The following NHS variants were observed in gnomAD, a reference collection of about 807,000 sequenced individuals.
NHS encodes the protein actin remodeling regulator NHS.
NHS carries 5 observed loss-of-function variants against 72.5 expected under a neutral mutation model. The observed-to-expected ratio is 0.07, with a 90% CI of 0.04 to 0.14. The LOEUF is 0.14. Among genes scored for constraint, NHS ranks in the 10% least tolerant of loss-of-function variants. The pLI is 1.00. For missense variants in NHS, 1,072 were observed against 1,355.7 expected, an observed-to-expected ratio of 0.79 and a Z score of 3.29; for synonymous variants, 464 against 547.7, an observed-to-expected ratio of 0.85 and a Z score of 2.13.
At chrX:17,632,380 GT>G (rs1165055286) in intron 1 of NHS, among the ~76,000 whole-genome samples, 43 of 100,992 alleles carry the variant, frequency 4.3e-4, no homozygotes, top group Admixed American at 5.4e-4. Flanking sequence ...TTGTAAAACA[GT>G]TTTTTTTTTT....
chrX:17,620,619 T>C (rs1189885593), intron 1 of NHS, among the ~76,000 whole-genome samples: 2 of 107,051 alleles, frequency 1.9e-5, no homozygotes, highest in African/African-American at 6.8e-5. Flanking sequence ...AGGGAACGGA[T>C]TGATGTGATG....
chrX:17,411,071 A>T (rs1052154304), intron 1 of NHS, among the ~76,000 whole-genome samples: 1 of 112,080 alleles, frequency 8.9e-6, no homozygotes, highest in East Asian at 2.8e-4. Flanking sequence ...AGAGGTGGTG[A>T]TTTTGGCTAA....
intron 1 of NHS, among the ~76,000 whole-genome samples, chrX:17,555,933 C>T (rs938232045): frequency 5.4e-5 from 6 of 112,079 alleles, no homozygotes; most frequent in Non-Finnish European, 9.4e-5. Context: ...TTTATTTTCA[C>T]ATGCAGGGGA....
chrX:17,533,964 C>G (rs1051022898), intron 1 of NHS, among the ~76,000 whole-genome samples: 3 of 113,057 alleles, frequency 2.7e-5, no homozygotes, highest in Non-Finnish European at 5.6e-5. Flanking sequence ...CAGCACTTAA[C>G]AGAATTAATT....
At chrX:17,704,403 C>A (rs2066283958) in intron 3 of NHS, among the ~76,000 whole-genome samples, 2 of 111,003 alleles carry the variant, frequency 1.8e-5, no homozygotes, top group Admixed American at 1.9e-4. Context: ...CGGGTTCATG[C>A]CATTCTCCTG....
chrX:17,448,306 A>AT (rs2064791249), intron 1 of NHS, among the ~76,000 whole-genome samples: 1 of 112,065 alleles, frequency 8.9e-6, no homozygotes, highest in African/African-American at 3.2e-5. Flanking sequence ...CCACTTCCCT[A>AT]TTTCTCTCTA....
chrX:17,505,353 T>A, intron 1 of NHS, among the ~76,000 whole-genome samples: 1 of 111,466 alleles, frequency 9.0e-6, no homozygotes, highest in Non-Finnish European at 1.9e-5. Flanking sequence ...GGGTGGTATG[T>A]TTTCTAACTG....
At chrX:17,615,184 G>C (rs201059851) in intron 1 of NHS, among the ~76,000 whole-genome samples, 93 of 14,812 alleles carry the variant, frequency 6.3e-3, no homozygotes, top group Middle Eastern at 0.029. Context: ...TATATATATA[G>C]TATATATACA....
intron 1 of NHS, among the ~76,000 whole-genome samples, chrX:17,674,819 C>T (rs1179267858): frequency 8.9e-6 from 1 of 112,029 alleles, no homozygotes; most frequent in Non-Finnish European, 1.9e-5. Context: ...GTGTGGGCTT[C>T]TCTGTGCTGT....
At chrX:17,435,783 G>A (rs765011810) in intron 1 of NHS, among the ~76,000 whole-genome samples, 1 of 112,206 alleles carries the variant, frequency 8.9e-6, no homozygotes, top group East Asian at 2.8e-4. Context: ...GGTCAGCATG[G>A]GGTCCTGCAC....
At chrX:17,691,953 C>T (rs1023518093) in intron 2 of NHS, among the ~76,000 whole-genome samples, 1 of 111,833 alleles carries the variant, frequency 8.9e-6, no homozygotes, top group East Asian at 2.8e-4. Context: ...GTGGGTGGGC[C>T]GGGCAGCTCT....
chrX:17,667,588 C>T (rs1006289161), intron 1 of NHS, among the ~76,000 whole-genome samples: 2 of 110,904 alleles, frequency 1.8e-5, no homozygotes, highest in African/African-American at 3.3e-5. Flanking sequence ...CCTCATCTGC[C>T]GCAGGAGGGT....
rs905879869 is a variant in NHS at position 17,414,544 on chromosome X, G to A, written c.565+38222G>A. On this transcript the variant is annotated intron_variant, in intron 1 of 8. Transcript: ENST00000676302. ...CGCCAGTGAAACAATTAGGTAATAT[G>A]TTTTAGAGAATGCCTCTTCTTAGCT... 2.7e-5 allele frequency among the ~76,000 whole-genome samples: 3 copies of A among 111,862 alleles called. No individual in the cohort carries two copies. In the Admixed American group the frequency reaches 2.8e-4, roughly 11 times the overall value.
At chrX:17,376,928 C>T (rs778790900) in intron 1 of NHS, among the ~76,000 whole-genome samples, 7 of 113,126 alleles carry the variant, frequency 6.2e-5, no homozygotes, top group Non-Finnish European at 7.5e-5. Flanking sequence ...GACTGAACTT[C>T]GTAGTGCTTC....
At chrX:17,533,903 G>A (rs891505338) in intron 1 of NHS, among the ~76,000 whole-genome samples, 5 of 112,867 alleles carry the variant, frequency 4.4e-5, no homozygotes, top group Non-Finnish European at 9.4e-5. Context: ...ATAAATTGTT[G>A]TTTCTCTTCT....
At chrX:17,660,446 A>C in intron 1 of NHS, among the ~76,000 whole-genome samples, 2 of 112,381 alleles carry the variant, frequency 1.8e-5, no homozygotes, top group Non-Finnish European at 3.8e-5. Context: ...TTACTGGCTT[A>C]AGATACAAGC....
intron 1 of NHS, among the ~76,000 whole-genome samples, chrX:17,633,341 A>G (rs1219816700): frequency 9.0e-6 from 1 of 111,269 alleles, no homozygotes; most frequent in African/African-American, 3.3e-5. Context: ...TTTGCTACCT[A>G]TGGGAATAGG....
At chrX:17,586,493 T>C (rs2065576810) in intron 1 of NHS, 1 of 112,544 alleles carries the variant, frequency 8.9e-6, no homozygotes, top group South Asian at 3.7e-4. Context: ...GGAACCCACA[T>C]GGGATTGACA....
chrX:17,439,912 T>C (rs2064743843), intron 1 of NHS, among the ~76,000 whole-genome samples: 1 of 112,035 alleles, frequency 8.9e-6, no homozygotes, highest in Non-Finnish European at 1.9e-5. Context: ...AGTTACTGTT[T>C]CATTAAACTT....
Sources: gnomAD v4.1 joint callset for allele counts (sites outside exome capture counted in the v4.1 genomes callset) on GRCh38, gnomAD v4.1.1 for gene constraint, MANE v1.5 for transcripts, NCBI Gene and HGNC (gene_info 2026-07-23, HGNC 2026-07-21) for gene names.